PHACTR1: variants seen among roughly 807,000 people sequenced by gnomAD.
The protein encoded by PHACTR1 is phosphatase and actin regulator 1.
PHACTR1 carries 16 observed loss-of-function variants against 69.2 expected under a neutral mutation model. The ratio of observed to expected loss-of-function variants is 0.23; its 90% CI spans 0.16 to 0.35. The LOEUF is 0.35. Among genes scored for constraint, PHACTR1 ranks in the 10% least tolerant of loss-of-function variants. PHACTR1 has a pLI of 1.00. For synonymous variants in PHACTR1, 312 were observed against 284.5 expected (o/e 1.10, Z -0.97); for missense variants, 510 against 734.7 (o/e 0.69, Z 3.54).
At chr6:12,939,681 G>A (rs1789856498) in intron 4 of PHACTR1, among the ~76,000 whole-genome samples, 1 of 152,084 alleles carries the variant, frequency 6.6e-6, no homozygotes, top group Admixed American at 6.6e-5. Flanking sequence ...ACCTAAGTGA[G>A]CATAAAAGAG....
chr6:12,970,437 T>A (rs1794052350), intron 4 of PHACTR1, among the ~76,000 whole-genome samples: 1 of 152,244 alleles, frequency 6.6e-6, no homozygotes, highest in Non-Finnish European at 1.5e-5. Flanking sequence ...AAGACTTCAG[T>A]GCACAGCAGT....
intron 4 of PHACTR1, among the ~76,000 whole-genome samples, chr6:13,023,192 G>T (rs1258614770): frequency 1.3e-5 from 2 of 152,096 alleles, no homozygotes; most frequent in African/African-American, 2.4e-5. Context: ...GATGTTGTGG[G>T]ATACTCAGAG....
At chr6:12,768,492 A>G (rs1285444153) in intron 4 of PHACTR1, among the ~76,000 whole-genome samples, 1 of 152,270 alleles carries the variant, frequency 6.6e-6, no homozygotes, top group East Asian at 1.9e-4. Context: ...TCCTGCGAAG[A>G]GAGACCTTTA....
intron 6 of PHACTR1, among the ~76,000 whole-genome samples, chr6:13,165,463 AGGAGTTGCCTC>A (rs1323265330): frequency 5.3e-5 from 8 of 152,214 alleles, no homozygotes; most frequent in Non-Finnish European, 1.0e-4. Context: ...CTCCGTGCCA[AGGAGTTGCCTC>A]GGTATGGAGC....
intron 4 of PHACTR1, among the ~76,000 whole-genome samples, chr6:12,969,700 G>A (rs758350252): frequency 7.2e-5 from 11 of 152,286 alleles, no homozygotes; most frequent in East Asian, 1.9e-4. Flanking sequence ...AGTGGCTCAC[G>A]CCTGTAATCC....
At chr6:13,040,717 T>G (rs1804006999) in intron 4 of PHACTR1, among the ~76,000 whole-genome samples, 1 of 152,154 alleles carries the variant, frequency 6.6e-6, no homozygotes, top group South Asian at 2.1e-4. Flanking sequence ...CAATCAACAC[T>G]CTAAATTTGG....
chr6:12,852,472 C>T (rs1779931894), intron 4 of PHACTR1, among the ~76,000 whole-genome samples: 1 of 152,104 alleles, frequency 6.6e-6, no homozygotes, highest in Admixed American at 6.6e-5. Flanking sequence ...TCTGCCGTTA[C>T]CCAAAGTGGC....
intron 4 of PHACTR1, among the ~76,000 whole-genome samples, chr6:12,815,750 T>A (rs2127702349): frequency 6.6e-6 from 1 of 152,344 alleles, no homozygotes; most frequent in Admixed American, 6.5e-5. Flanking sequence ...TATAAACCCT[T>A]TGTCCTTTTC....
At chr6:13,214,219 G>GGAA (rs1767332068) in intron 8 of PHACTR1, 3 of 145,136 alleles carry the variant, frequency 2.1e-5, no homozygotes, top group Admixed American at 2.0e-4. Context: ...GCTTTCCCCT[G>GGAA]AAAAAAAAAA....
chr6:12,998,841 A>G (rs1391591560), intron 4 of PHACTR1, among the ~76,000 whole-genome samples: 2 of 152,194 alleles, frequency 1.3e-5, no homozygotes, highest in Non-Finnish European at 2.9e-5. Context: ...AAACAAGTGG[A>G]CAAAATATGA....
At chr6:13,043,952 T>C (rs1390016139) in intron 4 of PHACTR1, among the ~76,000 whole-genome samples, 2 of 152,220 alleles carry the variant, frequency 1.3e-5, no homozygotes, top group Admixed American at 6.5e-5. Flanking sequence ...TAAGTTTTTG[T>C]AGTCATTATA....
intron 5 of PHACTR1, among the ~76,000 whole-genome samples, chr6:13,074,661 T>G (rs1810130483): frequency 6.6e-6 from 1 of 152,102 alleles, no homozygotes; most frequent in Non-Finnish European, 1.5e-5. Flanking sequence ...AGAAATATAA[T>G]AAGAAGGATG....
At chr6:13,249,793 G>A (rs866573303) in intron 10 of PHACTR1, among the ~76,000 whole-genome samples, 12 of 104,332 alleles carry the variant, frequency 1.2e-4, no homozygotes, top group African/African-American at 3.2e-4. Context: ...AGAAAACTCC[G>A]TCTCAAAAAA....
At chr6:12,944,481 TACA>T (rs1304855803) in intron 4 of PHACTR1, among the ~76,000 whole-genome samples, 9 of 152,218 alleles carry the variant, frequency 5.9e-5, no homozygotes, top group African/African-American at 1.4e-4. Flanking sequence ...ACAAAATTAA[TACA>T]ACATCTATAA....
At chr6:13,196,044 T>A (rs1764361705) in intron 7 of PHACTR1, among the ~76,000 whole-genome samples, 1 of 149,576 alleles carries the variant, frequency 6.7e-6, no homozygotes, top group South Asian at 2.3e-4. Flanking sequence ...TTCCACTCCA[T>A]CAACAGAGAC....
chr6:13,210,771 A>G (rs1014870847), intron 8 of PHACTR1, among the ~76,000 whole-genome samples: 2 of 152,212 alleles, frequency 1.3e-5, no homozygotes, highest in African/African-American at 4.8e-5. Flanking sequence ...AACATTAGCC[A>G]GCATGGAAAA....
chr6:12,775,847 T>C (rs1270127883), intron 4 of PHACTR1, among the ~76,000 whole-genome samples: 1 of 152,182 alleles, frequency 6.6e-6, no homozygotes, highest in East Asian at 1.9e-4. Flanking sequence ...TTTTCATTGA[T>C]TCTATGGATG....
At chr6:13,044,926 G>A (rs1285015480) in intron 4 of PHACTR1, among the ~76,000 whole-genome samples, 1 of 147,222 alleles carries the variant, frequency 6.8e-6, no homozygotes, top group Non-Finnish European at 1.5e-5. Context: ...CTACAGACAG[G>A]TGTACATCTA....
chr6:13,161,274 G>A (rs941990352), intron 6 of PHACTR1, among the ~76,000 whole-genome samples: 1 of 152,096 alleles, frequency 6.6e-6, no homozygotes, highest in Non-Finnish European at 1.5e-5. Context: ...CACCGCGCCC[G>A]GCCTTTGCAA....
Sources: allele counts gnomAD v4.1 joint callset (sites outside exome capture counted in the v4.1 genomes callset), GRCh38; gene constraint gnomAD v4.1.1; transcripts MANE v1.5; gene names NCBI Gene and HGNC (gene_info 2026-07-23, HGNC 2026-07-21).